SIM1: variants seen among roughly 807,000 people sequenced by gnomAD.
SIM1 encodes the protein single-minded homolog 1.
SIM1 carries 18 observed loss-of-function variants against 78.2 expected under a neutral mutation model. The ratio of observed to expected loss-of-function variants is 0.23; its 90% CI spans 0.16 to 0.34. SIM1 has a LOEUF of 0.34. SIM1 is among the 10% of genes least tolerant of loss of function. The pLI is 1.00. For synonymous variants in SIM1, 417 were observed against 385.2 expected (o/e 1.08, Z -0.97); for missense variants, 939 against 975.1 (o/e 0.96, Z 0.49).
chr6:100,435,936 C>T (rs1772034491), intron 9 of SIM1, among the ~76,000 whole-genome samples: 2 of 152,086 alleles, frequency 1.3e-5, no homozygotes, highest in Admixed American at 1.3e-4. Context: ...TAAAGTTGAA[C>T]TCCTTAATCT....
At chr6:100,437,911 A>G (rs551381467) in intron 9 of SIM1, among the ~76,000 whole-genome samples, 3 of 152,292 alleles carry the variant, frequency 2.0e-5, no homozygotes, top group Admixed American at 2.0e-4. Flanking sequence ...TCCAGTCCTG[A>G]TGAAACATGC....
chr6:100,448,180 G>C lies in SIM1; in HGVS notation c.816C>G (p.Cys272Trp). ...GCGCGCAGCGCAGGTGGAAGGTGTC[G>C]CAGCCGTGCACATGGTGGTACAGAG... ...EKTLYHHVHG[C>W]DTFHLRCAHH... is the part of the protein sequence containing the mutation. Residue 272 changes from cysteine (C) to tryptophan (W), a missense_variant, in exon 8 of 12, where the codon TGC (cysteine) becomes TGG (tryptophan). This residue lies in a region of SIM1 where 66 missense variants were observed against 108.4 expected (regional missense o/e 0.61). Transcript: ENST00000369208. 6.2e-7 allele frequency: 1 copy of C among 1,613,704 alleles called. No individual in the cohort carries two copies. The highest frequency in any genetic ancestry group is 8.5e-7 in the Non-Finnish European group (1 of 1,179,914).
At chr6:100,417,409 T>C (rs1217516721) in intron 10 of SIM1, among the ~76,000 whole-genome samples, 4 of 152,220 alleles carry the variant, frequency 2.6e-5, no homozygotes, top group African/African-American at 7.2e-5. Context: ...ATCCAACCCC[T>C]AACTCCCAAC....
chr6:100,457,199 T>C (rs1201569612), intron 2 of SIM1, among the ~76,000 whole-genome samples: 1 of 152,118 alleles, frequency 6.6e-6, no homozygotes, highest in Non-Finnish European at 1.5e-5. Context: ...AAGATAAGCG[T>C]GTGTTCTGTT....
At chr6:100,410,820 A>G (rs1186714123) in intron 10 of SIM1, among the ~76,000 whole-genome samples, 1 of 152,212 alleles carries the variant, frequency 6.6e-6, no homozygotes, top group African/African-American at 2.4e-5. Flanking sequence ...ATAAAGAGGC[A>G]GATGAAGTTC....
At chr6:100,431,001 C>T (rs763162330) in intron 9 of SIM1, among the ~76,000 whole-genome samples, 8 of 152,134 alleles carry the variant, frequency 5.3e-5, no homozygotes, top group Non-Finnish European at 7.4e-5. Context: ...CAGGATCTCA[C>T]GTGGGGAGAC....
At position 100,449,735 on chromosome 6, in the gene SIM1, T is replaced by C. The variant is rs368132765; in HGVS notation, c.349-36A>G. The C allele has an allele frequency of 1.1e-5, 17 of 1,546,840 alleles. 1 individual carries two copies. In the African/African-American group the frequency reaches 2.0e-4, roughly 19 times the overall value. On this transcript the variant is annotated intron_variant, in intron 4 of 11. Coordinates refer to ENST00000369208, the MANE Select transcript of SIM1 (RefSeq NM_005068.3). ...GAGGATGTCGCCGTCGCCGTGGCGG[T>C]GGAATGCCCGGTGAAGGGACTGAAA...
intron 9 of SIM1, among the ~76,000 whole-genome samples, chr6:100,429,368 CAA>C (rs34978126): frequency 0.057 from 7,575 of 133,168 alleles, 248 homozygotes; most frequent in South Asian, 0.087. Context: ...GACTCTGTCT[CAA>C]AAAAAAAAAA....
rs886060892 is a variant in SIM1, at chr6:100,388,908, C to CCA, written c.*1451_*1452dup. ...TTAACTGTAACCTGCCTAAAGGAGC[C>CCA]CACACACCTGCTTAAGTCACAAAGC... On this transcript the variant is annotated 3_prime_UTR_variant, in exon 12 of 12. Transcript: ENST00000369208. 9.2e-5 allele frequency: 14 copies of CCA among 152,056 alleles called. No homozygotes were observed. The highest frequency in any genetic ancestry group is 1.9e-4 in the Non-Finnish European group (13 of 68,006). The allele number at this position is 152,056 out of a possible 1,614,324, so 9.4% of individuals were successfully genotyped here.
chr6:100,400,348 T>C (rs1770881947), intron 10 of SIM1, among the ~76,000 whole-genome samples: 1 of 151,718 alleles, frequency 6.6e-6, no homozygotes, highest in Non-Finnish European at 1.5e-5. Context: ...ATCAAGCAAA[T>C]ATTAGGTCAC....
chr6:100,411,776 A>G (rs1771196838), intron 10 of SIM1, among the ~76,000 whole-genome samples: 1 of 152,146 alleles, frequency 6.6e-6, no homozygotes, highest in South Asian at 2.1e-4. Context: ...AGATTATTCT[A>G]AATAGGGGTC....
chr6:100,412,685 AAGAAAG>A (rs1771261285), intron 10 of SIM1, among the ~76,000 whole-genome samples: 1 of 32,984 alleles, frequency 3.0e-5, no homozygotes, highest in Non-Finnish European at 5.7e-5. Flanking sequence ...AAGAAAGAAA[AAGAAAG>A]AAAGAAAGAA....
In SIM1 at chr6:100,420,867, T is replaced by C. The variant is rs1006317173; in HGVS notation, c.1090A>G (p.Met364Val). 8 of 1,614,002 alleles carry C rather than the reference T, an allele frequency of 5.0e-6. No individual in the cohort carries two copies. The highest frequency in any genetic ancestry group is 1.7e-5 in the Admixed American group (1 of 59,998). Residue 364 changes from methionine to valine, a missense_variant, in exon 10 of 12, where the codon ATG (methionine) becomes GTG (valine). Coordinates refer to ENST00000369208, the MANE Select transcript of SIM1 (RefSeq NM_005068.3). ...FSYTSSSTPT[M>V]TDNRKGAKSR... Reference sequence around the variant, plus strand: ...TTGGCCCCCTTTCTGTTGTCAGTCATGGTGGGGGTGGAGCTGCTGGTATAG... The same window carrying C: ...TTGGCCCCCTTTCTGTTGTCAGTCACGGTGGGGGTGGAGCTGCTGGTATAG...
At chr6:100,426,537 C>T (rs1771734596) in intron 9 of SIM1, among the ~76,000 whole-genome samples, 1 of 152,264 alleles carries the variant, frequency 6.6e-6, no homozygotes, top group African/African-American at 2.4e-5. Flanking sequence ...CACAAAAAGG[C>T]ATTGTCAGTT....
intron 9 of SIM1, among the ~76,000 whole-genome samples, chr6:100,437,813 G>A (rs1289310409): frequency 6.6e-6 from 1 of 152,168 alleles, no homozygotes; most frequent in Non-Finnish European, 1.5e-5. Context: ...AGAGCACAAA[G>A]CTTGGAGGTT....
chr6:100,430,402 A>G (rs998133536), intron 9 of SIM1, among the ~76,000 whole-genome samples: 1 of 152,212 alleles, frequency 6.6e-6, no homozygotes, highest in African/African-American at 2.4e-5. Flanking sequence ...CTTTCAAATG[A>G]GGCATATATT....
In SIM1 at chr6:100,454,657, C is replaced by A. The variant is rs185126454; in HGVS notation, c.176-813G>T. Among the ~76,000 whole-genome samples the A allele has an allele frequency of 7.1e-3, 1,076 of 152,256 alleles. 13 individuals are homozygous for A. The highest frequency in any genetic ancestry group is 0.025 in the African/African-American group (1,028 of 41,536). On this transcript the variant is annotated intron_variant, in intron 2 of 11. Coordinates refer to ENST00000369208, the MANE Select transcript of SIM1 (RefSeq NM_005068.3). ...CTTTCCAGGTACTGTATTCTATTAA[C>A]AAAGACCCTCTCTTTCTCTCCTTGG...
chr6:100,420,518 A>G (rs1771547902), intron 10 of SIM1, among the ~76,000 whole-genome samples: 1 of 152,138 alleles, frequency 6.6e-6, no homozygotes, highest in South Asian at 2.1e-4. Context: ...ATTCAGGATC[A>G]ATCTCCTCAA....
chr6:100,412,626 A>G lies in SIM1; in HGVS notation c.1167+8164T>C, dbSNP rs1267141928. ...AAGAAAGAAAGGAAAGAAAGAAGGA[A>G]AGAAAGAAAGAAAAGAAAGAAAGAA... On this transcript the variant is annotated intron_variant, in intron 10 of 11. Coordinates refer to ENST00000369208, the MANE Select transcript of SIM1 (RefSeq NM_005068.3). Among the ~76,000 whole-genome samples, 178 of 116,244 alleles carry G rather than the reference A, an allele frequency of 1.5e-3. 8 individuals are homozygous for G. The highest frequency in any genetic ancestry group is 5.4e-3 in the African/African-American group (168 of 31,116). The allele number at this position is 116,244 out of a possible 152,430, so 76.3% of individuals were successfully genotyped here.
Sources: allele counts gnomAD v4.1 joint callset (sites outside exome capture counted in the v4.1 genomes callset), GRCh38; gene constraint gnomAD v4.1.1; regional missense constraint gnomAD v4.1.1; transcripts MANE v1.5; gene names NCBI Gene and HGNC (gene_info 2026-07-23, HGNC 2026-07-21).